Variants in MS4A4E observed in about 807,000 individuals in gnomAD.
The protein encoded by MS4A4E is putative membrane-spanning 4-domains subfamily A member 4E.
In MS4A4E, 23 loss-of-function variants were observed where a neutral mutation model predicts 13.3. That is an observed-to-expected ratio of 1.73 (90% CI 1.25 to 2.45). MS4A4E has a LOEUF of 2.45. Among genes scored for constraint, MS4A4E ranks in the 30% most tolerant of loss-of-function variants. The pLI is 0.00. For synonymous variants in MS4A4E, 36 were observed against 45.6 expected (o/e 0.79, Z 0.85); for missense variants, 144 against 131.2 (o/e 1.10, Z -0.48).
chr11:60,219,193 C>T (rs1443184749), intron 3 of MS4A4E, among the ~76,000 whole-genome samples: 1 of 152,198 alleles, frequency 6.6e-6, no homozygotes, highest in Non-Finnish European at 1.5e-5. Flanking sequence ...GAGAGGGCAG[C>T]ACTTGCATCC....
At position 60,208,648 on chromosome 11, in the gene MS4A4E, A is replaced by C. The variant is rs1839769328; in HGVS notation, c.428T>G (p.Ile143Ser). ...VLLLSVLEFC[I>S]AVALSAFGCK... is the part of the protein sequence containing the mutation. ...TCCAAAGGCAGAGAGGGCCACAGCA[A>C]TGCAGAATTCCAGCACACTTAAGAG... The change falls in exon 6 of 9, where the codon ATT becomes AGT. Residue 143 changes from isoleucine (I) to serine (S), a missense_variant. Ile to Ser is a moderately radical substitution (Grantham distance 142, BLOSUM62 -2). Coordinates refer to ENST00000651255, the MANE Select transcript of MS4A4E (RefSeq NM_001393391.1). 6.7e-7 allele frequency: 1 copy of C among 1,482,550 alleles called. No individual in the cohort carries two copies. The highest frequency in any genetic ancestry group is 1.7e-5 in the Admixed American group (1 of 58,362). The allele number at this position is 1,482,550 out of a possible 1,614,324, so 91.8% of individuals were successfully genotyped here.
intron 3 of MS4A4E, among the ~76,000 whole-genome samples, chr11:60,217,038 T>C (rs975750759): frequency 2.3e-4 from 35 of 152,088 alleles, no homozygotes; most frequent in African/African-American, 8.2e-4. Context: ...AAAAACAGAA[T>C]ATTAAGGATG....
At chr11:60,202,574 C>T (rs652303) in intron 8 of MS4A4E, among the ~76,000 whole-genome samples, 64,374 of 151,852 alleles carry the variant, frequency 0.42, 14,033 homozygotes, top group East Asian at 0.44. Context: ...TTACCCAAAC[C>T]GAAAACAGTC....
chr11:60,237,700 T>G (rs633463), intron 1 of MS4A4E, among the ~76,000 whole-genome samples: 60,867 of 151,998 alleles, frequency 0.4, 12,651 homozygotes, highest in East Asian at 0.42. Flanking sequence ...TCTCTAATGA[T>G]CAGTGATGTT....
In MS4A4E at chr11:60,242,953, C is replaced by G; in HGVS notation, c.-17+5G>C. 6.4e-7 allele frequency: 1 copy of G among 1,570,622 alleles called. No homozygotes were observed. Among genetic ancestry groups the G allele is most frequent in the Non-Finnish European group, 8.7e-7 (1 of 1,144,904 alleles). Reference sequence around the variant, plus strand: ...GAGCCTAGGAAGGCAAGTCCCTGGACCTACCTTTCTTCAGGCCTGCAATGT... The same window carrying G: ...GAGCCTAGGAAGGCAAGTCCCTGGAGCTACCTTTCTTCAGGCCTGCAATGT... On this transcript the variant is annotated splice_donor_5th_base_variant and intron_variant, in intron 1 of 8. Coordinates refer to ENST00000651255, the MANE Select transcript of MS4A4E (RefSeq NM_001393391.1).
At chr11:60,208,316 A>C (rs1309499397) in intron 6 of MS4A4E, among the ~76,000 whole-genome samples, 1 of 152,178 alleles carries the variant, frequency 6.6e-6, no homozygotes, top group African/African-American at 2.4e-5. Context: ...GAAAAAGTAC[A>C]TTGTCATGAG....
At chr11:60,208,342 A>C (rs1361435849) in intron 6 of MS4A4E, among the ~76,000 whole-genome samples, 1 of 152,182 alleles carries the variant, frequency 6.6e-6, no homozygotes, top group Non-Finnish European at 1.5e-5. Context: ...AACTTAAAGG[A>C]AATTAATTCC....
chr11:60,230,085 T>A lies in MS4A4E; in HGVS notation c.-16-14A>T. On this transcript the variant is annotated splice_polypyrimidine_tract_variant and intron_variant, in intron 1 of 8. Coordinates refer to ENST00000651255, the MANE Select transcript of MS4A4E (RefSeq NM_001393391.1). Reference sequence around the variant, plus strand: ...GCAGAAAAGGTGCTACAATAAGAAATGTAATTTAGGATGAGGTCCTGGAAA... The same window carrying A: ...GCAGAAAAGGTGCTACAATAAGAAAAGTAATTTAGGATGAGGTCCTGGAAA... 9 of 1,565,960 alleles carry A rather than the reference T, an allele frequency of 5.7e-6. No individual in the cohort carries two copies. The highest frequency in any genetic ancestry group is 2.1e-5 in the Admixed American group (1 of 48,768).
chr11:60,220,441 C>A (rs933156453), intron 3 of MS4A4E, among the ~76,000 whole-genome samples: 1 of 152,182 alleles, frequency 6.6e-6, no homozygotes, highest in African/African-American at 2.4e-5. Flanking sequence ...GCAAGACCAG[C>A]AATGTACCTT....
intron 1 of MS4A4E, among the ~76,000 whole-genome samples, chr11:60,233,652 C>A (rs958753216): frequency 1.2e-4 from 18 of 152,154 alleles, no homozygotes; most frequent in Non-Finnish European, 2.2e-4. Context: ...TCACAGACTG[C>A]AAGAGATGTA....
At position 60,201,590 on chromosome 11, in the gene MS4A4E, G is replaced by C. The variant is rs1464703483; in HGVS notation, c.949C>G (p.Pro317Ala). 1 of 321,806 alleles carries C rather than the reference G, an allele frequency of 3.1e-6. No individual in the cohort carries two copies. The highest frequency in any genetic ancestry group is 1.5e-4 in the East Asian group (1 of 6,472). 19.9% of individuals were successfully genotyped at this position (321,806 alleles called of 1,614,324 possible). The change falls in exon 9 of 9, where the codon CCC becomes GCC. Residue 317 changes from proline (P) to alanine (A), a missense_variant. Transcript: ENST00000651255. ...KWGAPLPGHH[P>A]IWEVRSVSAR... Reference sequence around the variant, plus strand: ...GAGACACTCCTCACCTCCCAGATGGGATGGTGGCCGGGAAGAGGCGCTCCC... The same window carrying C: ...GAGACACTCCTCACCTCCCAGATGGCATGGTGGCCGGGAAGAGGCGCTCCC...
chr11:60,208,529 T>C, intron 6 of MS4A4E, 64 bp downstream of exon 6: 1 of 597,464 alleles, frequency 1.7e-6, no homozygotes, highest in Non-Finnish European at 2.9e-6. Context: ...TATAAGTTTG[T>C]TTAACTGATT....
At position 60,204,741 on chromosome 11, in the gene MS4A4E, G is replaced by A. The variant is rs568857686; in HGVS notation, c.659+149C>T. 5.3e-5 allele frequency among the ~76,000 whole-genome samples: 8 copies of A among 152,154 alleles called. No homozygotes were observed. The South Asian group carries it at 8.3e-4, about 16-fold the overall frequency. On this transcript the variant is annotated intron_variant, in intron 8 of 8. Transcript: ENST00000651255. ...ACATACTTCCTTTACAGACACACAC[G>A]TATGCCAGTAATAAAGTAGGCTACA...
intron 3 of MS4A4E, among the ~76,000 whole-genome samples, chr11:60,218,609 TC>T (rs1271626482): frequency 6.6e-6 from 1 of 151,924 alleles, no homozygotes; most frequent in Non-Finnish European, 1.5e-5. Context: ...CGGGGCAGGT[TC>T]CCCGATAGTG....
Position 60,213,034 on chromosome 11 carries a change from G to A in MS4A4E, c.321C>T (p.Tyr107=). 2.3e-6 allele frequency: 1 copy of A among 444,044 alleles called. No individual in the cohort carries two copies. Among genetic ancestry groups the A allele is most frequent in the East Asian group, 3.6e-5 (1 of 27,464 alleles). The allele number at this position is 444,044 out of a possible 1,614,324, so 27.5% of individuals were successfully genotyped here. A position where few individuals can be genotyped will look rare whatever the true frequency, so the allele number is the denominator to read the frequency against. The change falls in exon 5 of 9, where the codon TAC becomes TAT. Residue 107 remains tyrosine, a synonymous_variant. Transcript: ENST00000651255. ...AISLTFYSFR[Y]HYCNHDQLSS... ...ACAACTGATCGTGGTTACAGTAATG[G>A]TAACGGAATGAATAAAACGTCAAGC...
At chr11:60,220,091 C>T (rs544498733) in intron 3 of MS4A4E, among the ~76,000 whole-genome samples, 9 of 152,290 alleles carry the variant, frequency 5.9e-5, no homozygotes, top group African/African-American at 2.2e-4. Flanking sequence ...CCTAGAAAAG[C>T]AGTAAATCAA....
intron 2 of MS4A4E, among the ~76,000 whole-genome samples, chr11:60,229,099 A>G (rs2084376998): frequency 6.6e-6 from 1 of 152,208 alleles, no homozygotes; most frequent in Non-Finnish European, 1.5e-5. Context: ...TGGTGGGGGA[A>G]GTTGATAATT....
intron 3 of MS4A4E, among the ~76,000 whole-genome samples, chr11:60,226,961 G>C (rs996220268): frequency 3.3e-5 from 5 of 152,080 alleles, no homozygotes; most frequent in Non-Finnish European, 7.4e-5. Flanking sequence ...TAATACACAA[G>C]AGTCAATTAC....
chr11:60,220,188 A>G (rs1446461058), intron 3 of MS4A4E, among the ~76,000 whole-genome samples: 3 of 152,178 alleles, frequency 2.0e-5, no homozygotes, highest in African/African-American at 7.2e-5. Context: ...TTCCCACCAC[A>G]TCCCCATTCA....
Sources: gnomAD v4.1 joint callset for allele counts (sites outside exome capture counted in the v4.1 genomes callset) on GRCh38, gnomAD v4.1.1 for gene constraint, MANE v1.5 for transcripts, NCBI Gene and HGNC (gene_info 2026-07-23, HGNC 2026-07-21) for gene names.